Variants in ZNF536 observed in about 807,000 individuals in gnomAD.
ZNF536 encodes the protein zinc finger protein 536.
In ZNF536, 13 loss-of-function variants were observed where a neutral mutation model predicts 84.5. The observed-to-expected ratio is 0.15, with a 90% CI of 0.10 to 0.24. The LOEUF (loss-of-function observed/expected upper bound fraction) is 0.24. ZNF536 is among the 10% of genes least tolerant of loss of function. ZNF536 has a pLI of 1.00. For synonymous variants in ZNF536, 811 were observed against 742.5 expected, an observed-to-expected ratio of 1.09 and a Z score of -1.50; for missense variants, 1,536 against 1,747.5, an observed-to-expected ratio of 0.88 and a Z score of 2.16.
At chr19:30,587,331 A>G (rs1166652246) in intron 1 of ZNF536, among the ~76,000 whole-genome samples, 1 of 152,222 alleles carries the variant, frequency 6.6e-6, no homozygotes, top group Non-Finnish European at 1.5e-5. Flanking sequence ...CTATTCTCAG[A>G]AGGGTTTAAA....
At position 30,557,726 on chromosome 19, in the gene ZNF536, A is replaced by G. The variant is rs1472402965; in HGVS notation, c.*562A>G. The stretch of plus-strand genomic sequence containing the variant: ...AGGTCGTCCTATTAACCAGGAGCAG[A>G]TGACAGTAAAATTTCAGTGAATAGC... On this transcript the variant is annotated 3_prime_UTR_variant, in exon 5 of 5. Transcript: ENST00000355537. The G allele has an allele frequency of 6.6e-6, 1 of 152,454 alleles. No individual in the cohort carries two copies. The highest frequency in any genetic ancestry group is 2.4e-5 in the African/African-American group (1 of 41,472). 9.4% of individuals were successfully genotyped at this position (152,454 alleles called of 1,614,324 possible).
intron 1 of ZNF536, among the ~76,000 whole-genome samples, chr19:30,700,677 C>G (rs770086497): frequency 1.3e-5 from 2 of 152,126 alleles, no homozygotes; most frequent in Non-Finnish European, 2.9e-5. Context: ...CTGAGCCTCC[C>G]GTGGCCCTGA....
At chr19:30,603,977 C>A (rs2047782957) in intron 1 of ZNF536, among the ~76,000 whole-genome samples, 1 of 152,150 alleles carries the variant, frequency 6.6e-6, no homozygotes, top group Admixed American at 6.5e-5. Context: ...ATAATCCCAG[C>A]TACTCTGAAG....
intron 1 of ZNF536, among the ~76,000 whole-genome samples, chr19:30,612,289 G>A (rs577146107): frequency 7.9e-5 from 12 of 152,298 alleles, no homozygotes; most frequent in African/African-American, 2.9e-4. Flanking sequence ...AAATCCAGTA[G>A]GGTGTTGAGA....
chr19:30,650,605 T>C (rs1304186588), intron 1 of ZNF536, among the ~76,000 whole-genome samples: 6 of 152,190 alleles, frequency 3.9e-5, no homozygotes, highest in Non-Finnish European at 7.4e-5. Context: ...CATTGTAAAT[T>C]GGCATCCTTA....
At position 30,534,919 on chromosome 19, in the gene ZNF536, C is replaced by T. The variant is rs745454082; in HGVS notation, c.2243C>T (p.Ser748Leu). The T allele has an allele frequency of 9.9e-6, 16 of 1,613,822 alleles. No individual in the cohort carries two copies. The highest frequency in any genetic ancestry group is 3.3e-5 in the Admixed American group (2 of 59,988). ...PALLRDRSLG[S>L]AMKDCPYCGK... is the part of the protein sequence containing the mutation. ...CTGCTTCGCGACAGAAGCCTGGGCTCGGCCATGAAGGACTGCCCGTACTGT... is the reference window on the plus strand; with the variant it reads ...CTGCTTCGCGACAGAAGCCTGGGCTTGGCCATGAAGGACTGCCCGTACTGT... The change falls in exon 3 of 5, where the codon TCG becomes TTG. Residue 748 changes from serine (S) to leucine (L), a missense_variant. Around this residue, in one of 8 missense-constraint regions of ZNF536, gnomAD observed 148 missense variants for 205.4 expected, o/e 0.72. Coordinates refer to ENST00000355537, the MANE Select transcript of ZNF536 (RefSeq NM_014717.3).
Position 30,548,206 on chromosome 19 carries a change from G to C in ZNF536, c.2587G>C (p.Val863Leu), listed in dbSNP as rs367614015. Residue 863 changes from valine to leucine, a missense_variant, in exon 4 of 5, where the codon GTT becomes CTT. Transcript: ENST00000355537. ...TGCATCTCAGCAGTGGACATCAGGG[G>C]TTCTCTCCTCTGGAGATCACTCGGG... ...GPASQQWTSGVLSSGDHSGQA... is the reference protein window; with the variant it reads ...GPASQQWTSGLLSSGDHSGQA... 3 of 1,614,186 alleles carry C rather than the reference G, an allele frequency of 1.9e-6. No individual in the cohort carries two copies. Among genetic ancestry groups the C allele is most frequent in the Non-Finnish European group, 2.5e-6 (3 of 1,180,044 alleles).
intron 1 of ZNF536, among the ~76,000 whole-genome samples, chr19:30,694,846 C>T (rs2051585945): frequency 6.6e-6 from 1 of 152,130 alleles, no homozygotes; most frequent in East Asian, 1.9e-4. Context: ...TCAGGGTGGG[C>T]CGTGCCATCC....
chr19:30,540,966 G>T (rs1023294288), intron 3 of ZNF536, among the ~76,000 whole-genome samples: 2 of 152,244 alleles, frequency 1.3e-5, no homozygotes, highest in Non-Finnish European at 2.9e-5. Context: ...CTAGCACAGC[G>T]AGGTTAGGGG....
intron 2 of ZNF536, among the ~76,000 whole-genome samples, chr19:30,294,167 G>A (rs991545329): frequency 6.6e-6 from 1 of 152,158 alleles, no homozygotes; most frequent in African/African-American, 2.4e-5. Context: ...AGAGGGTGGG[G>A]TGTGGCCCCC....
At chr19:30,466,755 GGGAA>G (rs1300813936) in intron 2 of ZNF536, among the ~76,000 whole-genome samples, 3,263 of 62,400 alleles carry the variant, frequency 0.052, 63 homozygotes, top group East Asian at 0.15. Flanking sequence ...GAAGAAAGGA[GGGAA>G]GGAAGGAAGG....
chr19:30,264,375 C>T (rs1277919936), intron 1 of ZNF536, among the ~76,000 whole-genome samples: 4 of 142,528 alleles, frequency 2.8e-5, no homozygotes, highest in African/African-American at 5.4e-5. Flanking sequence ...CCCAGGCCCC[C>T]GCCCCCCGCA....
At chr19:30,455,070 A>ACAAT (rs60479874) in intron 2 of ZNF536, among the ~76,000 whole-genome samples, 1 of 151,350 alleles carries the variant, frequency 6.6e-6, no homozygotes, top group African/African-American at 2.4e-5. Context: ...AAACAAACAA[A>ACAAT]GTTTCTACTT....
At chr19:30,452,891 T>C (rs1280599637) in intron 2 of ZNF536, among the ~76,000 whole-genome samples, 1 of 146,756 alleles carries the variant, frequency 6.8e-6, no homozygotes, top group Non-Finnish European at 1.5e-5. Flanking sequence ...CCCTTGTTGA[T>C]GGTGCTGGCA....
chr19:30,604,756 C>T (rs2047809123), intron 1 of ZNF536, among the ~76,000 whole-genome samples: 1 of 152,192 alleles, frequency 6.6e-6, no homozygotes, highest in Non-Finnish European at 1.5e-5. Flanking sequence ...TAAGCCAACA[C>T]TCTTATTTTT....
intron 1 of ZNF536, among the ~76,000 whole-genome samples, chr19:30,612,959 G>A (rs12972916): frequency 0.16 from 24,893 of 152,192 alleles, 2,312 homozygotes; most frequent in Admixed American, 0.23. Flanking sequence ...CGGTTTCTTC[G>A]TCTCTGTCTT....
chr19:30,573,085 A>G (rs548727532), intron 1 of ZNF536, among the ~76,000 whole-genome samples: 7 of 152,152 alleles, frequency 4.6e-5, no homozygotes, highest in Non-Finnish European at 1.0e-4. Context: ...AGACCCTCAG[A>G]TGAGAGAGGA....
chr19:30,383,741 TTC>T (rs368055440), intron 1 of ZNF536, among the ~76,000 whole-genome samples: 14,717 of 32,330 alleles, frequency 0.46, 2,639 homozygotes, highest in Admixed American at 0.5. Flanking sequence ...CTTTCTTTCT[TTC>T]TCTTTCTTTC....
intron 3 of ZNF536, among the ~76,000 whole-genome samples, chr19:30,366,362 CTCTATCTATCTA>C (rs10563588): frequency 4.5e-4 from 66 of 146,580 alleles, no homozygotes; most frequent in Middle Eastern, 3.5e-3. Flanking sequence ...CCTATCATAT[CTCTATCTATCTA>C]TCTATCTATC....
Sources: gnomAD v4.1 joint callset for allele counts (sites outside exome capture counted in the v4.1 genomes callset) on GRCh38, gnomAD v4.1.1 for gene constraint, gnomAD v4.1.1 regional missense constraint, MANE v1.5 for transcripts, NCBI Gene and HGNC (gene_info 2026-07-23, HGNC 2026-07-21) for gene names.